The following GALK2 variants were observed in gnomAD, a reference collection of about 807,000 sequenced individuals.
The protein encoded by GALK2 is galactokinase 2.
In GALK2, 36 loss-of-function variants were observed where a neutral mutation model predicts 52.4. The observed-to-expected ratio is 0.69, with a 90% CI of 0.53 to 0.91. The LOEUF is 0.91. GALK2 is among the 40% of genes least tolerant of loss of function. The pLI is 0.00. For missense variants in GALK2, 579 were observed against 559.1 expected (o/e 1.04, Z -0.36); for synonymous variants, 176 against 199.1 (o/e 0.88, Z 0.98).
intron 1 of GALK2, chr15:49,161,752 T>C (rs1265269733): frequency 1.1e-5 from 2 of 190,024 alleles, no homozygotes; most frequent in Non-Finnish European, 2.1e-5. Context: ...GGAGTCTTGC[T>C]TTGTTGCCCA....
At chr15:49,268,138 T>G (rs545916298) in intron 5 of GALK2, among the ~76,000 whole-genome samples, 4 of 152,280 alleles carry the variant, frequency 2.6e-5, no homozygotes, top group Non-Finnish European at 5.9e-5. Context: ...GTTTAGGTAT[T>G]AGAGATACAA....
intron 1 of GALK2, chr15:49,178,308 T>TAC (rs1218587990): frequency 1.5e-5 from 2 of 132,000 alleles, no homozygotes; most frequent in Non-Finnish European, 3.4e-5. Context: ...TACATATATG[T>TAC]ATGCACATAT....
chr15:49,363,258 T>C (rs527353543), intron 3 of GALK2, among the ~76,000 whole-genome samples: 1 of 152,250 alleles, frequency 6.6e-6, no homozygotes, highest in Non-Finnish European at 1.5e-5. Context: ...TCCACAATCA[T>C]TGAATGTTCT....
At chr15:49,335,351 T>A (rs1268159196), downstream of GALK2, 2 of 1,026,584 alleles carry the variant, frequency 1.9e-6, no homozygotes, top group Non-Finnish European at 3.0e-6. Flanking sequence ...TTTAGATGAT[T>A]TCTCTGATTG....
chr15:49,209,615 G>A (rs2088639250), intron 2 of GALK2, among the ~76,000 whole-genome samples: 1 of 152,108 alleles, frequency 6.6e-6, no homozygotes. Flanking sequence ...CCTTCATTCT[G>A]TTGATGTGAT....
chr15:49,232,053 T>C (rs2090532089), intron 3 of GALK2, among the ~76,000 whole-genome samples: 1 of 152,238 alleles, frequency 6.6e-6, no homozygotes, highest in Admixed American at 6.5e-5. Flanking sequence ...CAACCCCAGA[T>C]TTCCCTTCAG....
At chr15:49,322,374 T>C (rs2151090212) in intron 9 of GALK2, among the ~76,000 whole-genome samples, 1 of 152,344 alleles carries the variant, frequency 6.6e-6, no homozygotes, top group Admixed American at 6.5e-5. Context: ...TATTGAAAGA[T>C]TATCTTCTGG....
At position 49,264,302 on chromosome 15, in the gene GALK2, C is replaced by T. The variant is rs534216403; in HGVS notation, c.505-17685C>T. ...TCTTTTTTCTCTAAACCTCCCTTCT[C>T]GCTTCATTTCATTCATTTCATCTTC... On this transcript the variant is annotated intron_variant, in intron 5 of 9. Coordinates refer to ENST00000560031, the MANE Select transcript of GALK2 (RefSeq NM_002044.4). 3.3e-5 allele frequency among the ~76,000 whole-genome samples: 5 copies of T among 152,250 alleles called. No homozygotes were observed. In the South Asian group the frequency reaches 6.2e-4, roughly 19 times the overall value.
intron 5 of GALK2, among the ~76,000 whole-genome samples, chr15:49,273,891 A>G (rs541650031): frequency 1.3e-5 from 2 of 152,330 alleles, no homozygotes; most frequent in East Asian, 3.9e-4. Flanking sequence ...TGTAACAGAA[A>G]ACAGATGGCA....
intron 1 of GALK2, chr15:49,185,508 G>A (rs1209029206): frequency 3.3e-5 from 5 of 152,184 alleles, no homozygotes; most frequent in African/African-American, 1.2e-4. Context: ...TAATGGGATT[G>A]TTGGGTCAAA....
rs549831690 is a variant in GALK2 at position 49,200,601 on chromosome 15, C to G, written c.54-561C>G. On this transcript the variant is annotated intron_variant, in intron 1 of 9. Coordinates refer to ENST00000560031, the MANE Select transcript of GALK2 (RefSeq NM_002044.4). ...TAAGCCAAAGAACACCAAGGATTGA[C>G]GGCTGCTACCAGAAGGTAGAAAGAG... Among the ~76,000 whole-genome samples, 138 of 152,282 alleles carry G rather than the reference C, an allele frequency of 9.1e-4. 5 individuals carry two copies. In the South Asian group the frequency reaches 0.027, roughly 30 times the overall value.
chr15:49,219,607 G>A (rs774754504), intron 3 of GALK2, among the ~76,000 whole-genome samples: 3 of 152,196 alleles, frequency 2.0e-5, no homozygotes, highest in Admixed American at 6.5e-5. Flanking sequence ...CTGGGAGTTC[G>A]AGACCAGCCT....
At chr15:49,157,572 G>C (rs1163430987) in intron 1 of GALK2, among the ~76,000 whole-genome samples, 1 of 151,956 alleles carries the variant, frequency 6.6e-6, no homozygotes, top group Non-Finnish European at 1.5e-5. Context: ...AGAAACTTTC[G>C]AAAAAGTAAC....
intron 5 of GALK2, among the ~76,000 whole-genome samples, chr15:49,266,375 C>T (rs1033526335): frequency 8.5e-5 from 13 of 152,130 alleles, no homozygotes; most frequent in South Asian, 4.2e-4. Context: ...TGCAAGGGAA[C>T]GGAAACAGAG....
intron 9 of GALK2, 122 bp downstream of exon 9, chr15:49,319,927 A>C: frequency 1.2e-6 from 1 of 805,444 alleles, no homozygotes; most frequent in African/African-American, 1.7e-5. Context: ...CTATATGAGG[A>C]GTCTCTGATG....
chr15:49,307,455 G>A (rs186771165), intron 8 of GALK2, among the ~76,000 whole-genome samples: 1 of 152,176 alleles, frequency 6.6e-6, no homozygotes, highest in Non-Finnish European at 1.5e-5. Context: ...GTTGATTAGA[G>A]GGGAGAGGGA....
At chr15:49,204,876 G>A (rs1300043391) in intron 2 of GALK2, among the ~76,000 whole-genome samples, 2 of 151,990 alleles carry the variant, frequency 1.3e-5, no homozygotes, top group African/African-American at 2.4e-5. Context: ...ACAAGTCCCC[G>A]ATGTCCATTA....
rs2032784053 is a variant in GALK2, at chr15:49,282,085, TGTAG to T, written c.603+5_603+8del. 2 of 1,604,602 alleles carry T rather than the reference TGTAG, an allele frequency of 1.2e-6. No homozygotes were observed. Among genetic ancestry groups the T allele is most frequent in the Middle Eastern group, 1.7e-4 (1 of 6,040 alleles). Reference sequence around the variant, plus strand: ...TATCATTTCTTGCAGAAGAAGGAACTGTAGGTAGCATTCCAAGTAGGAACCATTC... The same window carrying T: ...TATCATTTCTTGCAGAAGAAGGAACTGTAGCATTCCAAGTAGGAACCATTC... On this transcript the variant is annotated splice_donor_variant and splice_donor_region_variant and intron_variant, in intron 6 of 9. Coordinates refer to ENST00000560031, the MANE Select transcript of GALK2 (RefSeq NM_002044.4). LOFTEE classifies it high-confidence loss of function.
intron 8 of GALK2, among the ~76,000 whole-genome samples, chr15:49,305,259 C>G (rs2035451542): frequency 6.6e-6 from 1 of 152,018 alleles, no homozygotes; most frequent in South Asian, 2.1e-4. Flanking sequence ...AAATAATGAC[C>G]TATTGTATGT....
Sources: gnomAD v4.1 joint callset for allele counts (sites outside exome capture counted in the v4.1 genomes callset) on GRCh38, gnomAD v4.1.1 for gene constraint, MANE v1.5 for transcripts, NCBI Gene and HGNC (gene_info 2026-07-23, HGNC 2026-07-21) for gene names.